The following TAFA2 variants were observed in gnomAD, a reference collection of about 807,000 sequenced individuals.
TAFA2 encodes the protein TAFA chemokine like family member 2.
Under a neutral mutation model 18.8 loss-of-function variants are expected in TAFA2, and 7 were observed. The observed-to-expected ratio is 0.37, with a 90% CI of 0.21 to 0.70. TAFA2 has a LOEUF of 0.70. TAFA2 is among the 30% of genes least tolerant of loss of function. The pLI, the probability that TAFA2 is intolerant of heterozygous loss-of-function variation, is 0.53. For missense variants in TAFA2, 122 were observed against 158.1 expected, an observed-to-expected ratio of 0.77 and a Z score of 1.23; for synonymous variants, 60 against 54.2, an observed-to-expected ratio of 1.11 and a Z score of -0.47.
intron 1 of TAFA2, among the ~76,000 whole-genome samples, chr12:61,925,827 A>C (rs939706540): frequency 6.6e-6 from 1 of 152,218 alleles, no homozygotes; most frequent in African/African-American, 2.4e-5. Context: ...AAAAGCTAGC[A>C]GAAGACAAGA....
intron 4 of TAFA2, among the ~76,000 whole-genome samples, chr12:61,753,137 T>C (rs7974958): frequency 0.87 from 132,487 of 151,988 alleles, 57,844 homozygotes; most frequent in African/African-American, 0.93. Context: ...TAATTGTAAA[T>C]CTTAACCACT....
chr12:61,837,606 G>C (rs1370027156), intron 2 of TAFA2, among the ~76,000 whole-genome samples: 1 of 151,796 alleles, frequency 6.6e-6, no homozygotes, highest in Non-Finnish European at 1.5e-5. Flanking sequence ...TTTTGTGACT[G>C]GGTCCATACA....
intron 1 of TAFA2, among the ~76,000 whole-genome samples, chr12:61,939,784 C>T (rs1877922214): frequency 6.6e-6 from 1 of 152,120 alleles, no homozygotes; most frequent in African/African-American, 2.4e-5. Flanking sequence ...AGCACAAGTG[C>T]CAAAAATAAG....
chr12:62,060,164 G>A (rs1882306406), intron 1 of TAFA2, among the ~76,000 whole-genome samples: 1 of 152,172 alleles, frequency 6.6e-6, no homozygotes, highest in South Asian at 2.1e-4. Flanking sequence ...CTTTGGGTGG[G>A]CTTTAGACTT....
chr12:61,818,742 ACT>A (rs552533205), intron 2 of TAFA2, among the ~76,000 whole-genome samples: 88 of 152,134 alleles, frequency 5.8e-4, no homozygotes, highest in African/African-American at 2.0e-3. Context: ...ATATCCAAAG[ACT>A]CTATTCAAAA....
chr12:62,095,478 T>C (rs376170937), intron 1 of TAFA2, among the ~76,000 whole-genome samples: 1 of 152,134 alleles, frequency 6.6e-6, no homozygotes, highest in South Asian at 2.1e-4. Flanking sequence ...CCAGATGGCA[T>C]AGCAATGAAT....
rs2062630735 is a variant in TAFA2 at position 62,192,498 on chromosome 12, G to A, written c.-1241C>T. On this transcript the variant is annotated 5_prime_UTR_variant, in exon 1 of 5. Coordinates refer to ENST00000416284, the MANE Select transcript of TAFA2 (RefSeq NM_178539.5). ...AGCCTCCTCTCCGCGTCCCACCCCA[G>A]ATGCTATACTGTCAAAAGACACTGA... The A allele has an allele frequency of 6.6e-6, 1 of 152,250 alleles. No homozygotes were observed. The highest frequency in any genetic ancestry group is 1.5e-5 in the Non-Finnish European group (1 of 68,100). 9.4% of individuals were successfully genotyped at this position (152,250 alleles called of 1,614,324 possible).
chr12:62,179,804 A>G (rs1297525974), intron 1 of TAFA2, among the ~76,000 whole-genome samples: 4 of 152,084 alleles, frequency 2.6e-5, no homozygotes, highest in Non-Finnish European at 5.9e-5. Flanking sequence ...CTTTTACTCC[A>G]TCTGGCTCCC....
chr12:61,917,598 G>T (rs375595444), intron 1 of TAFA2, among the ~76,000 whole-genome samples: 5 of 152,162 alleles, frequency 3.3e-5, no homozygotes, highest in Non-Finnish European at 7.4e-5. Flanking sequence ...ATATCAGGAA[G>T]CTTGGCAGGC....
chr12:62,133,505 A>T (rs1870771318), intron 1 of TAFA2, among the ~76,000 whole-genome samples: 1 of 152,068 alleles, frequency 6.6e-6, no homozygotes, highest in African/African-American at 2.4e-5. Context: ...GGGTAGAAAA[A>T]AAAATAGAGA....
chr12:61,923,328 C>T (rs1052976825), intron 1 of TAFA2, among the ~76,000 whole-genome samples: 1 of 152,198 alleles, frequency 6.6e-6, no homozygotes, highest in Non-Finnish European at 1.5e-5. Context: ...ACAAATACCT[C>T]ATGCAGGAGA....
At chr12:62,173,636 G>C (rs868185088) in intron 1 of TAFA2, among the ~76,000 whole-genome samples, 5 of 152,208 alleles carry the variant, frequency 3.3e-5, no homozygotes, top group Middle Eastern at 3.4e-3. Flanking sequence ...CACATGCCAT[G>C]GATTATTTTC....
chr12:61,891,244 G>GGAA (rs1875619537), intron 1 of TAFA2, among the ~76,000 whole-genome samples: 1 of 152,140 alleles, frequency 6.6e-6, no homozygotes, highest in South Asian at 2.1e-4. Flanking sequence ...CCAGCTGTGA[G>GGAA]GAAGAAGAAA....
At chr12:62,148,025 G>A (rs924132426) in intron 1 of TAFA2, among the ~76,000 whole-genome samples, 3 of 151,702 alleles carry the variant, frequency 2.0e-5, no homozygotes, top group Non-Finnish European at 2.9e-5. Context: ...ACCATCGAAC[G>A]CCAGTCAGAA....
chr12:62,223,689 G>A (rs1206988189), intron 1 of TAFA2, among the ~76,000 whole-genome samples: 1 of 152,060 alleles, frequency 6.6e-6, no homozygotes, highest in African/African-American at 2.4e-5. Flanking sequence ...GGAAAAAAAG[G>A]GAAACATTTC....
chr12:61,960,973 G>T (rs2136653504), intron 1 of TAFA2, among the ~76,000 whole-genome samples: 1 of 152,016 alleles, frequency 6.6e-6, no homozygotes, highest in Middle Eastern at 3.4e-3. Flanking sequence ...AATTTATAAA[G>T]AAAAGAGGCT....
chr12:61,736,723 C>T (rs1252694732), intron 4 of TAFA2, among the ~76,000 whole-genome samples: 1 of 151,894 alleles, frequency 6.6e-6, no homozygotes, highest in African/African-American at 2.4e-5. Flanking sequence ...TATCATCACC[C>T]ACATAGAGTA....
intron 1 of TAFA2, chr12:62,023,918 T>C (rs1279941994): frequency 6.6e-6 from 1 of 152,208 alleles, no homozygotes; most frequent in Non-Finnish European, 1.5e-5. Context: ...ATTAGAAGAC[T>C]TATAGGAGAG....
chr12:61,880,451 C>A, intron 1 of TAFA2: 1 of 538,750 alleles, frequency 1.9e-6, no homozygotes. Context: ...ATACCAGGAG[C>A]TGATGAATGT....
Sources: allele counts gnomAD v4.1 joint callset (sites outside exome capture counted in the v4.1 genomes callset), GRCh38; gene constraint gnomAD v4.1.1; transcripts MANE v1.5; gene names NCBI Gene and HGNC (gene_info 2026-07-23, HGNC 2026-07-21).